IGSF11: variants seen among roughly 807,000 people sequenced by gnomAD.
The protein encoded by IGSF11 is immunoglobulin superfamily member 11.
IGSF11 carries 22 observed loss-of-function variants against 41.0 expected under a neutral mutation model. That is an observed-to-expected ratio of 0.54 (90% CI 0.38 to 0.77). The LOEUF (loss-of-function observed/expected upper bound fraction) is 0.77, where lower values mean the gene tolerates loss of function less well. Ranked by LOEUF, IGSF11 falls within the 30% of genes least tolerant of loss-of-function variation. IGSF11 has a pLI of 0.00. For missense variants in IGSF11, 444 were observed against 530.8 expected (o/e 0.84, Z 1.61); for synonymous variants, 219 against 201.3 (o/e 1.09, Z -0.74).
chr3:119,067,626 A>C (rs1263843477), intron 1 of IGSF11, among the ~76,000 whole-genome samples: 1 of 151,828 alleles, frequency 6.6e-6, no homozygotes, highest in African/African-American at 2.4e-5. Flanking sequence ...ACTGTGGGGA[A>C]AAAACTTTAG....
chr3:119,080,831 T>G (rs1399117951), intron 1 of IGSF11, among the ~76,000 whole-genome samples: 1 of 152,188 alleles, frequency 6.6e-6, no homozygotes, highest in Non-Finnish European at 1.5e-5. Flanking sequence ...TAAAGGAAGA[T>G]AGCTCAGACC....
chr3:119,016,694 C>T (rs1052343079), intron 1 of IGSF11, among the ~76,000 whole-genome samples: 7 of 152,158 alleles, frequency 4.6e-5, no homozygotes, highest in Non-Finnish European at 7.4e-5. Context: ...ATTTAACCCA[C>T]GTTACTTCCT....
intron 4 of IGSF11, among the ~76,000 whole-genome samples, chr3:118,913,273 G>A (rs1176711005): frequency 6.6e-6 from 1 of 152,074 alleles, no homozygotes; most frequent in East Asian, 1.9e-4. Flanking sequence ...AAAAATATAA[G>A]GACAGAGATT....
intron 1 of IGSF11, among the ~76,000 whole-genome samples, chr3:119,062,914 T>C (rs907273266): frequency 6.6e-6 from 1 of 152,100 alleles, no homozygotes; most frequent in Non-Finnish European, 1.5e-5. Context: ...TCCTCCACTT[T>C]AGCCTCCACT....
intron 4 of IGSF11, among the ~76,000 whole-genome samples, chr3:118,911,586 C>T (rs1489196307): frequency 6.6e-6 from 1 of 152,006 alleles, no homozygotes; most frequent in Non-Finnish European, 1.5e-5. Context: ...AAGCTGTCAT[C>T]ATGCCACTGC....
intron 1 of IGSF11, among the ~76,000 whole-genome samples, chr3:118,964,460 C>G (rs1453779437): frequency 1.3e-5 from 2 of 152,004 alleles, no homozygotes; most frequent in Non-Finnish European, 2.9e-5. Context: ...AGAAGAGGGT[C>G]TGAAAACACT....
chr3:119,114,437 G>A (rs1322274802), intron 1 of IGSF11, among the ~76,000 whole-genome samples: 1 of 152,168 alleles, frequency 6.6e-6, no homozygotes, highest in Non-Finnish European at 1.5e-5. Flanking sequence ...TCCGCCAGAC[G>A]CCCTAAATCA....
chr3:119,028,227 C>G (rs763668457), intron 1 of IGSF11, among the ~76,000 whole-genome samples: 5 of 152,064 alleles, frequency 3.3e-5, no homozygotes, highest in African/African-American at 4.8e-5. Context: ...TAAATCATGG[C>G]TGGGATAAAC....
intron 4 of IGSF11, among the ~76,000 whole-genome samples, chr3:118,920,224 A>C (rs2107512872): frequency 6.6e-6 from 1 of 150,650 alleles, no homozygotes; most frequent in Admixed American, 6.6e-5. Context: ...ACTAACCTGC[A>C]CAATGTGCAC....
chr3:118,902,578 C>A lies in IGSF11; in HGVS notation c.1238G>T (p.Arg413Leu), dbSNP rs745958640. 2 of 1,613,726 alleles carry A rather than the reference C, an allele frequency of 1.2e-6. No homozygotes were observed. The highest frequency in any genetic ancestry group is 1.7e-5 in the Admixed American group (1 of 59,974). The change falls in exon 7 of 7, where the codon CGA becomes CTA. Residue 413 changes from arginine (R) to leucine (L), a missense_variant. Physicochemically the swap from Arg to Leu is moderately radical, Grantham distance 102. Around this residue, in one of 3 missense-constraint regions of IGSF11, gnomAD observed 223 missense variants for 226.2 expected, o/e 0.99. Transcript: ENST00000393775. ...SYTISHATLE[R>L]IGAVPVMVPA... ...TACCATGACAGGTACTGCACCAATTCGTTCCAGTGTTGCGTGGCTGATGGT... is the reference window on the plus strand; with the variant it reads ...TACCATGACAGGTACTGCACCAATTAGTTCCAGTGTTGCGTGGCTGATGGT...
intron 1 of IGSF11, among the ~76,000 whole-genome samples, chr3:119,086,601 G>A (rs75116422): frequency 0.027 from 4,075 of 152,150 alleles, 171 homozygotes; most frequent in African/African-American, 0.093. Flanking sequence ...GAAGAGATGG[G>A]GGCCTATTTT....
At chr3:118,961,621 T>C (rs116731280) in intron 1 of IGSF11, among the ~76,000 whole-genome samples, 139 of 152,336 alleles carry the variant, frequency 9.1e-4, no homozygotes, top group African/African-American at 3.3e-3. Context: ...CTACAGTTCT[T>C]GGCCTAAGGT....
At chr3:118,920,180 C>T (rs1322949595) in intron 4 of IGSF11, among the ~76,000 whole-genome samples, 3 of 148,214 alleles carry the variant, frequency 2.0e-5, no homozygotes, top group African/African-American at 7.4e-5. Context: ...TTAGTGGGTG[C>T]AGAGCACCAG....
intron 1 of IGSF11, among the ~76,000 whole-genome samples, chr3:119,062,718 T>C (rs1276946925): frequency 6.6e-6 from 1 of 152,164 alleles, no homozygotes; most frequent in Non-Finnish European, 1.5e-5. Context: ...GGGTCCTATA[T>C]TGATTGATAC....
At position 119,042,619 on chromosome 3, in the gene IGSF11, G is replaced by A. The variant is rs372405724; in HGVS notation, c.49+62525C>T. Among the ~76,000 whole-genome samples the A allele has an allele frequency of 1.2e-4, 19 of 152,170 alleles. No individual in the cohort carries two copies. The South Asian group carries it at 2.7e-3, about 22-fold the overall frequency. On this transcript the variant is annotated intron_variant, in intron 1 of 6. Transcript: ENST00000354673. ...CCCCACAGTGGTGGCAGCAAGCCCC[G>A]TCCAAGAAAAGCCTAAGCTCAGACC...
At chr3:119,035,354 G>C (rs1940844679), upstream of IGSF11, among the ~76,000 whole-genome samples, 1 of 152,204 alleles carries the variant, frequency 6.6e-6, no homozygotes, top group Non-Finnish European at 1.5e-5. Context: ...TAATTTTACA[G>C]TGTTTTGGTT....
At chr3:118,909,637 T>C (rs1410579519) in intron 4 of IGSF11, among the ~76,000 whole-genome samples, 3 of 152,222 alleles carry the variant, frequency 2.0e-5, no homozygotes, top group Non-Finnish European at 2.9e-5. Flanking sequence ...TAATAGAATT[T>C]CCAAGGGCAC....
chr3:119,057,104 T>G (rs1210998678), intron 1 of IGSF11, among the ~76,000 whole-genome samples: 3 of 152,138 alleles, frequency 2.0e-5, no homozygotes, highest in African/African-American at 7.2e-5. Context: ...TTCAACATAG[T>G]GTTGGAAGTT....
In IGSF11 at chr3:119,072,132, G is replaced by A. The variant is rs149678104; in HGVS notation, c.49+33012C>T. 4.4e-3 allele frequency among the ~76,000 whole-genome samples: 672 copies of A among 152,266 alleles called. 10 individuals are homozygous for A. The highest frequency in any genetic ancestry group is 0.014 in the African/African-American group (597 of 41,554). On this transcript the variant is annotated intron_variant, in intron 1 of 6. Coordinates refer to the IGSF11 transcript ENST00000354673. ...TCTGGCTATATTTAGCACGTCTTCC[G>A]TGAGATTTCTTTGTTTCCGTACAGT... is the stretch of plus-strand genomic sequence containing the variant.
Sources: allele counts gnomAD v4.1 joint callset (sites outside exome capture counted in the v4.1 genomes callset), GRCh38; gene constraint gnomAD v4.1.1; regional missense constraint gnomAD v4.1.1; transcripts MANE v1.5; gene names NCBI Gene and HGNC (gene_info 2026-07-23, HGNC 2026-07-21).